Variants in ARHGAP10 observed in about 807,000 individuals in gnomAD.
ARHGAP10 encodes rho GTPase-activating protein 10.
A neutral mutation model predicts 108.6 loss-of-function variants in ARHGAP10; 87 were observed. That is an observed-to-expected ratio of 0.80 (90% confidence interval 0.67 to 0.96). The LOEUF is 0.96. Among genes scored for constraint, ARHGAP10 ranks in the 40% least tolerant of loss-of-function variants. The probability of loss-of-function intolerance (pLI) is 0.00; values close to 1 mark genes in which losing one functional copy is unlikely to be tolerated. For synonymous variants in ARHGAP10, 347 were observed against 341.1 expected (o/e 1.02, Z -0.19); for missense variants, 939 against 954.5 (o/e 0.98, Z 0.21).
chr4:148,067,808 G>T (rs961782447), intron 22 of ARHGAP10, among the ~76,000 whole-genome samples: 2 of 152,234 alleles, frequency 1.3e-5, no homozygotes, highest in African/African-American at 4.8e-5. Context: ...GACCCAGAGT[G>T]TGGTTGGCAC....
chr4:148,001,972 G>T (rs1740740596), intron 18 of ARHGAP10, among the ~76,000 whole-genome samples: 1 of 152,170 alleles, frequency 6.6e-6, no homozygotes, highest in Non-Finnish European at 1.5e-5. Flanking sequence ...TGGTGAGAGA[G>T]GGCATCCCTG....
intron 19 of ARHGAP10, among the ~76,000 whole-genome samples, chr4:148,035,735 C>T (rs371069406): frequency 5.3e-4 from 80 of 152,258 alleles, no homozygotes; most frequent in African/African-American, 1.8e-3. Flanking sequence ...TGCACCTGCC[C>T]GTGCTGAGAA....
At chr4:147,914,321 T>C (rs1736869570) in intron 13 of ARHGAP10, among the ~76,000 whole-genome samples, 1 of 152,154 alleles carries the variant, frequency 6.6e-6, no homozygotes, top group African/African-American at 2.4e-5. Context: ...GGCACCTACC[T>C]TCCTCCTTTC....
At position 147,732,391 on chromosome 4, in the gene ARHGAP10, G is replaced by T. The variant is rs763543464; in HGVS notation, c.90G>T (p.Glu30Asp). 1.2e-5 allele frequency: 20 copies of T among 1,613,622 alleles called. No individual in the cohort carries two copies. Among genetic ancestry groups the T allele is most frequent in the Non-Finnish European group, 1.6e-5 (19 of 1,179,688 alleles). ...ERIRAHEAEL[E>D]RTNKFIKELI... is the part of the protein sequence containing the mutation. Reference sequence around the variant, plus strand: ...TCCGCGCTCACGAAGCGGAACTCGAGAGGACCAACAAGTTCATCAAAGAGC... The same window carrying T: ...TCCGCGCTCACGAAGCGGAACTCGATAGGACCAACAAGTTCATCAAAGAGC... The change falls in exon 1 of 23, where the codon GAG becomes GAT. Residue 30 changes from glutamate (E) to aspartate (D), a missense_variant. By Grantham distance (45) the Glu-to-Asp change is conservative. Transcript: ENST00000336498.
At chr4:148,016,323 A>G (rs1434126772) in intron 18 of ARHGAP10, among the ~76,000 whole-genome samples, 25 of 151,996 alleles carry the variant, frequency 1.6e-4, no homozygotes, top group Non-Finnish European at 3.2e-4. Flanking sequence ...GGGTAACAAA[A>G]CGGACCCTGT....
chr4:148,032,080 G>C (rs758788061), intron 19 of ARHGAP10, among the ~76,000 whole-genome samples: 2 of 151,922 alleles, frequency 1.3e-5, no homozygotes, highest in African/African-American at 4.8e-5. Flanking sequence ...TTGCTTTTCT[G>C]TTTTCTCCTC....
At chr4:148,035,705 A>G (rs904344744) in intron 19 of ARHGAP10, among the ~76,000 whole-genome samples, 1 of 152,206 alleles carries the variant, frequency 6.6e-6, no homozygotes, top group African/African-American at 2.4e-5. Context: ...ACCATGCGGC[A>G]GTTATAACCT....
intron 3 of ARHGAP10, among the ~76,000 whole-genome samples, chr4:147,837,643 G>GATTTTT (rs1733222824): frequency 1.4e-5 from 1 of 70,220 alleles, no homozygotes; most frequent in African/African-American, 3.9e-5. Flanking sequence ...TCTGGTCACT[G>GATTTTT]TTTTTTTTTT....
intron 5 of ARHGAP10, chr4:147,861,018 G>A (rs989290659): frequency 2.0e-5 from 3 of 152,244 alleles, no homozygotes; most frequent in African/African-American, 7.2e-5. Context: ...TCTGTGTCTG[G>A]TGATGCCTTT....
At chr4:147,866,494 G>T (rs1007594915) in intron 6 of ARHGAP10, 8 of 480,506 alleles carry the variant, frequency 1.7e-5, no homozygotes, top group Non-Finnish European at 2.6e-5. Flanking sequence ...GCTGTCTAAT[G>T]GCTGTGATAT....
At chr4:147,986,190 A>T (rs1320922091) in intron 18 of ARHGAP10, among the ~76,000 whole-genome samples, 1 of 152,188 alleles carries the variant, frequency 6.6e-6, no homozygotes, top group Non-Finnish European at 1.5e-5. Context: ...TCTATGAAAT[A>T]AGAAAAACGG....
At chr4:147,961,312 A>G (rs1266972223) in intron 16 of ARHGAP10, among the ~76,000 whole-genome samples, 3 of 152,024 alleles carry the variant, frequency 2.0e-5, no homozygotes, top group Admixed American at 6.5e-5. Flanking sequence ...TTCTGTTTTC[A>G]TAGGTTTTTT....
At chr4:147,745,415 G>T (rs1728869758) in intron 1 of ARHGAP10, 2 of 152,836 alleles carry the variant, frequency 1.3e-5, no homozygotes, top group Non-Finnish European at 2.9e-5. Flanking sequence ...TGTGGCTGTA[G>T]ACCCAGATTA....
At chr4:147,886,675 A>C (rs1038981447) in intron 10 of ARHGAP10, among the ~76,000 whole-genome samples, 1 of 152,120 alleles carries the variant, frequency 6.6e-6, no homozygotes, top group Admixed American at 6.5e-5. Flanking sequence ...TAGAGAAGCA[A>C]TTTCTACTGT....
At chr4:147,950,477 A>G (rs1343930156) in intron 15 of ARHGAP10, among the ~76,000 whole-genome samples, 1 of 152,204 alleles carries the variant, frequency 6.6e-6, no homozygotes. Flanking sequence ...GTGAAGCTGA[A>G]TATAGCTTTT....
chr4:147,782,306 CTA>C (rs908979236), intron 1 of ARHGAP10, among the ~76,000 whole-genome samples: 4 of 152,104 alleles, frequency 2.6e-5, no homozygotes, highest in African/African-American at 7.2e-5. Flanking sequence ...GAGCAAGACT[CTA>C]TGTCTTTGAA....
chr4:147,922,983 A>T (rs1188002759), intron 13 of ARHGAP10, among the ~76,000 whole-genome samples: 1 of 152,206 alleles, frequency 6.6e-6, no homozygotes, highest in Non-Finnish European at 1.5e-5. Flanking sequence ...TTCTAAATAC[A>T]GGCATGCCTT....
intron 18 of ARHGAP10, among the ~76,000 whole-genome samples, chr4:148,010,139 A>G (rs929603902): frequency 6.6e-6 from 1 of 152,092 alleles, no homozygotes; most frequent in Admixed American, 6.5e-5. Context: ...AGGGAGAATG[A>G]AGTTCTGCCC....
At chr4:147,948,502 C>T (rs1376372149) in intron 15 of ARHGAP10, among the ~76,000 whole-genome samples, 1 of 152,156 alleles carries the variant, frequency 6.6e-6, no homozygotes, top group East Asian at 1.9e-4. Context: ...CATTTCCTCC[C>T]TTCCTCCACC....
Sources: allele counts gnomAD v4.1 joint callset (sites outside exome capture counted in the v4.1 genomes callset), GRCh38; gene constraint gnomAD v4.1.1; transcripts MANE v1.5; gene names NCBI Gene and HGNC (gene_info 2026-07-23, HGNC 2026-07-21).